Variants in POLA1 observed in about 807,000 individuals in gnomAD.
POLA1 encodes DNA polymerase alpha 1, catalytic subunit, also known as DNA polymerase alpha catalytic subunit.
POLA1 carries 15 observed loss-of-function variants against 124.0 expected under a neutral mutation model. The ratio of observed to expected loss-of-function variants is 0.12; its 90% CI spans 0.08 to 0.19. The LOEUF (loss-of-function observed/expected upper bound fraction) is 0.19, where lower values mean the gene tolerates loss of function less well. Ranked by LOEUF, POLA1 falls within the 10% of genes least tolerant of loss-of-function variation. POLA1 has a pLI of 1.00. For synonymous variants in POLA1, 408 were observed against 389.4 expected (o/e 1.05, Z -0.56); for missense variants, 886 against 1,103.4 (o/e 0.80, Z 2.79).
rs147848517 is a variant in POLA1, at chrX:24,832,332, T to C, written c.3736+5731T>C. ...AAGAGAGCCTCTTTAAGGGTTTCAG[T>C]TGAACGGTCCTGCATCTCAGTCTCA... On this transcript the variant is annotated intron_variant, in intron 32 of 36. Coordinates refer to ENST00000379068, the MANE Select transcript of POLA1 (RefSeq NM_001330360.2). Among the ~76,000 whole-genome samples, 302 of 111,582 alleles carry C rather than the reference T, an allele frequency of 2.7e-3. 1 individual carries two copies. Among genetic ancestry groups the C allele is most frequent in the South Asian group, 0.019 (48 of 2,594 alleles).
At chrX:24,973,647 G>C (rs755761663) in intron 36 of POLA1, among the ~76,000 whole-genome samples, 59 of 111,976 alleles carry the variant, frequency 5.3e-4, no homozygotes, top group African/African-American at 1.8e-3. Flanking sequence ...CTGAAATGTA[G>C]TTATTCTCCA....
At chrX:24,838,296 A>G (rs1190043048) in intron 32 of POLA1, among the ~76,000 whole-genome samples, 1 of 111,914 alleles carries the variant, frequency 8.9e-6, no homozygotes, top group East Asian at 2.8e-4. Flanking sequence ...ATTTCATTCC[A>G]CTGCCTCTTT....
At chrX:24,846,353 A>G (rs958581103) in intron 34 of POLA1, among the ~76,000 whole-genome samples, 7 of 111,556 alleles carry the variant, frequency 6.3e-5, no homozygotes, top group South Asian at 3.8e-4. Flanking sequence ...TATTTTAAGT[A>G]ATATATTAAT....
chrX:24,703,363 G>A lies in POLA1; in HGVS notation c.265+16G>A. 4.7e-6 allele frequency: 5 copies of A among 1,064,553 alleles called. No individual in the cohort carries two copies. The South Asian group carries it at 5.8e-5, about 12-fold the overall frequency. The allele number at this position is 1,064,553 out of a possible 1,213,427, so 87.7% of individuals were successfully genotyped here. A position where few individuals can be genotyped will look rare whatever the true frequency, so the allele number is the denominator to read the frequency against. ...GTGGATGATGGTAGGTGGGGCGGAG[G>A]TGGGGGCGGGGATGTTGCTTCCTAG... On this transcript the variant is annotated intron_variant, in intron 3 of 36. Transcript: ENST00000379068.
At chrX:24,719,301 G>A (rs1370919490) in intron 10 of POLA1, among the ~76,000 whole-genome samples, 3 of 110,451 alleles carry the variant, frequency 2.7e-5, no homozygotes, top group Admixed American at 9.6e-5. Context: ...GGGTGGGGGC[G>A]GTCAGAAGCA....
At chrX:24,881,771 G>T (rs1275887151) in intron 34 of POLA1, among the ~76,000 whole-genome samples, 11 of 111,745 alleles carry the variant, frequency 9.8e-5, no homozygotes, top group African/African-American at 3.6e-4. Flanking sequence ...CACAAAAGAC[G>T]AATGGAACTG....
At chrX:24,943,591 A>T (rs2047930750) in intron 36 of POLA1, among the ~76,000 whole-genome samples, 1 of 112,566 alleles carries the variant, frequency 8.9e-6, no homozygotes, top group African/African-American at 3.2e-5. Context: ...GTCTTGGGAA[A>T]TTATTCAACA....
At chrX:24,793,834 G>A (rs750418683) in intron 26 of POLA1, among the ~76,000 whole-genome samples, 126 of 110,241 alleles carry the variant, frequency 1.1e-3, no homozygotes, top group African/African-American at 3.8e-3. Context: ...ATCCGCCCGC[G>A]CCAGTCTCCC....
chrX:24,763,326 A>G lies in POLA1; in HGVS notation c.2964+14334A>G, dbSNP rs186741020. On this transcript the variant is annotated intron_variant, in intron 26 of 36. Transcript: ENST00000379068. Reference sequence around the variant, plus strand: ...TTAGGATGGGGAAGGTATCAAGGTCAACTCTTGGCTGACTTGTGTAGGAAG... The same window carrying G: ...TTAGGATGGGGAAGGTATCAAGGTCGACTCTTGGCTGACTTGTGTAGGAAG... 3.5e-3 allele frequency among the ~76,000 whole-genome samples: 388 copies of G among 111,084 alleles called. 2 individuals are homozygous for G. Among genetic ancestry groups the G allele is most frequent in the African/African-American group, 0.012 (373 of 30,497 alleles).
At chrX:24,972,537 G>A (rs1194032019) in intron 36 of POLA1, among the ~76,000 whole-genome samples, 3 of 111,734 alleles carry the variant, frequency 2.7e-5, no homozygotes, top group Non-Finnish European at 5.6e-5. Context: ...CACAAGTCTA[G>A]CAACCTGAAC....
intron 33 of POLA1, 62 bp downstream of exon 33, chrX:24,841,892 C>T (rs1289058732): frequency 2.4e-6 from 2 of 833,870 alleles, no homozygotes; most frequent in African/African-American, 2.1e-5. Context: ...CCCCCTTCCC[C>T]CACTATGGGG....
intron 16 of POLA1, 135 bp downstream of exon 16, chrX:24,732,589 G>GT (rs1197349636): frequency 6.4e-3 from 729 of 114,596 alleles, no homozygotes; most frequent in East Asian, 0.01. Flanking sequence ...AGAGGGTTTT[G>GT]TTTTTTTTTG....
chrX:24,915,309 G>T (rs909536166), intron 35 of POLA1, among the ~76,000 whole-genome samples: 10 of 111,613 alleles, frequency 9.0e-5, no homozygotes, highest in South Asian at 7.6e-4. Flanking sequence ...ATCTTCACTT[G>T]ATGATCTACC....
At chrX:24,755,863 T>A (rs889067096) in intron 26 of POLA1, among the ~76,000 whole-genome samples, 15 of 112,389 alleles carry the variant, frequency 1.3e-4, no homozygotes, top group African/African-American at 3.6e-4. Flanking sequence ...AAGTTAGGAA[T>A]CTAATTGTAC....
At chrX:24,869,607 C>G (rs1343441977) in intron 34 of POLA1, among the ~76,000 whole-genome samples, 1 of 111,993 alleles carries the variant, frequency 8.9e-6, no homozygotes, top group African/African-American at 3.2e-5. Flanking sequence ...GTTTAGTTCC[C>G]TCAGTGTAAA....
chrX:24,871,403 G>A (rs1258917029), intron 34 of POLA1, among the ~76,000 whole-genome samples: 1 of 111,545 alleles, frequency 9.0e-6, no homozygotes, highest in Admixed American at 9.5e-5. Flanking sequence ...AGCCACTGCT[G>A]TAGACATTCA....
intron 36 of POLA1, among the ~76,000 whole-genome samples, chrX:24,936,554 C>T (rs1195988896): frequency 8.1e-5 from 9 of 110,912 alleles, no homozygotes; most frequent in African/African-American, 2.3e-4. Flanking sequence ...TTTTTTGAGA[C>T]GGAGTCTCAC....
intron 35 of POLA1, among the ~76,000 whole-genome samples, chrX:24,912,001 A>G (rs1411967028): frequency 8.9e-6 from 1 of 112,710 alleles, no homozygotes; most frequent in East Asian, 2.8e-4. Context: ...ACAAAGCTAC[A>G]GTAATCAAGA....
Position 24,717,744 on chromosome X carries a change from A to G in POLA1, c.1073A>G (p.Gln358Arg). 6 of 1,191,510 alleles carry G rather than the reference A, an allele frequency of 5.0e-6. 1 individual carries two copies. Among genetic ancestry groups the G allele is most frequent in the South Asian group, 3.7e-5 (2 of 54,520 alleles). Residue 358 changes from glutamine to arginine, a missense_variant, in exon 10 of 37, where the codon CAG (glutamine) becomes CGG (arginine). Around this residue, in one of 7 missense-constraint regions of POLA1, gnomAD observed 337 missense variants for 402.8 expected, o/e 0.84. Coordinates refer to ENST00000379068, the MANE Select transcript of POLA1 (RefSeq NM_001330360.2). Reference sequence around the variant, plus strand: ...TATTGGTTGGATGCTTATGAGGATCAGTACAACCAACCAGGTAATCATATA... The same window carrying G: ...TATTGGTTGGATGCTTATGAGGATCGGTACAACCAACCAGGTAATCATATA... ...HFYWLDAYED[Q>R]YNQPGVVFLF...
Sources: gnomAD v4.1 joint callset for allele counts (sites outside exome capture counted in the v4.1 genomes callset) on GRCh38, gnomAD v4.1.1 for gene constraint, gnomAD v4.1.1 regional missense constraint, MANE v1.5 for transcripts, NCBI Gene and HGNC (gene_info 2026-07-23, HGNC 2026-07-21) for gene names.